The following WDPCP variants were observed in gnomAD, a reference collection of about 807,000 sequenced individuals.
WDPCP encodes the protein WD repeat containing planar cell polarity effector.
In WDPCP, 71 loss-of-function variants were observed where a neutral mutation model predicts 93.1. The ratio of observed to expected loss-of-function variants is 0.76; its 90% confidence interval spans 0.63 to 0.93. The LOEUF (loss-of-function observed/expected upper bound fraction) is 0.93. Among genes scored for constraint, WDPCP ranks in the 40% least tolerant of loss-of-function variants. WDPCP has a pLI of 0.00. For synonymous variants in WDPCP, 315 were observed against 315.0 expected, an observed-to-expected ratio of 1.00 and a Z score of 0.00; for missense variants, 844 against 887.4, an observed-to-expected ratio of 0.95 and a Z score of 0.62.
At chr2:63,376,058 G>T (rs934395994) in intron 12 of WDPCP, among the ~76,000 whole-genome samples, 2 of 151,814 alleles carry the variant, frequency 1.3e-5, no homozygotes, top group Admixed American at 6.6e-5. Flanking sequence ...AATACAAAAA[G>T]GTATTTGGCC....
intron 14 of WDPCP, among the ~76,000 whole-genome samples, chr2:63,256,357 T>C (rs1681143921): frequency 6.6e-6 from 1 of 152,090 alleles, no homozygotes; most frequent in African/African-American, 2.4e-5. Flanking sequence ...TAGAACATGA[T>C]CCAGAAACAG....
upstream of WDPCP, among the ~76,000 whole-genome samples, chr2:63,591,888 CTGTT>C (rs1459184968): frequency 6.6e-6 from 1 of 152,198 alleles, no homozygotes; most frequent in Non-Finnish European, 1.5e-5. Flanking sequence ...TAAAACTACT[CTGTT>C]TGTTAGGTAA....
rs902550656 is a variant in WDPCP, at chr2:63,741,422, T to C, written n.308+72200A>G. Among the ~76,000 whole-genome samples, 4 of 152,110 alleles carry C rather than the reference T, an allele frequency of 2.6e-5. No homozygotes were observed. In the South Asian group the frequency reaches 8.3e-4, roughly 32 times the overall value. On this transcript the variant is annotated intron_variant and non_coding_transcript_variant, in intron 2 of 4. Coordinates refer to the WDPCP transcript ENST00000467687. ...GGCAGCCAGCTGTTAGAAATAAATG[T>C]TTTATTTAATTGTTTAATTGAGTGG...
intron 2 of WDPCP, among the ~76,000 whole-genome samples, chr2:63,725,857 G>A (rs1669489437): frequency 1.3e-5 from 2 of 152,140 alleles, no homozygotes; most frequent in South Asian, 4.1e-4. Flanking sequence ...CTTTTGAGAA[G>A]TGTCCATTCA....
chr2:63,482,835 A>G (rs1173376201), intron 6 of WDPCP, among the ~76,000 whole-genome samples: 4 of 151,996 alleles, frequency 2.6e-5, no homozygotes, highest in Admixed American at 6.6e-5. Flanking sequence ...AGCACAGAAT[A>G]TAACAGAACA....
chr2:63,244,345 CA>C (rs1267122105), intron 14 of WDPCP, among the ~76,000 whole-genome samples: 2 of 151,858 alleles, frequency 1.3e-5, no homozygotes, highest in African/African-American at 4.8e-5. Context: ...CCAAAGATAG[CA>C]GAAGAAAAGA....
chr2:63,327,947 C>G (rs1309646687), intron 12 of WDPCP, among the ~76,000 whole-genome samples: 5 of 152,174 alleles, frequency 3.3e-5, no homozygotes, highest in Non-Finnish European at 5.9e-5. Context: ...CTGAAGGACA[C>G]TACAACTGCA....
upstream of WDPCP, chr2:63,588,913 C>A (rs572853588): frequency 2.4e-6 from 3 of 1,248,574 alleles, no homozygotes; most frequent in Non-Finnish European, 3.5e-6. Flanking sequence ...TCCCAGAGAG[C>A]GCCGCGTCGG....
intron 1 of WDPCP, among the ~76,000 whole-genome samples, chr2:63,558,527 CAA>C (rs57582852): frequency 1.4e-5 from 2 of 143,256 alleles, no homozygotes; most frequent in Non-Finnish European, 3.1e-5. Flanking sequence ...GACTCTGTCT[CAA>C]AAAAAAAAAA....
chr2:63,486,698 G>A, intron 3 of WDPCP, 112 bp from the exon 4 acceptor site: 2 of 870,304 alleles, frequency 2.3e-6, no homozygotes, highest in South Asian at 1.9e-5. Flanking sequence ...AACATTACAT[G>A]CATTATTGAG....
chr2:63,631,576 A>C (rs1446365778), intron 3 of WDPCP, among the ~76,000 whole-genome samples: 2 of 152,152 alleles, frequency 1.3e-5, no homozygotes, highest in Non-Finnish European at 2.9e-5. Context: ...TTAAACAGCT[A>C]TCCAAGGATA....
chr2:63,439,681 A>AGT, intron 7 of WDPCP, 76 bp downstream of exon 7: 1 of 1,279,280 alleles, frequency 7.8e-7, no homozygotes, highest in Non-Finnish European at 1.1e-6. Context: ...GGTAATAATT[A>AGT]GTCTACCTGT....
At chr2:63,563,279 G>C (rs192113456) in intron 1 of WDPCP, among the ~76,000 whole-genome samples, 10 of 151,932 alleles carry the variant, frequency 6.6e-5, no homozygotes, top group Admixed American at 5.9e-4. Flanking sequence ...GTCTGAAAAA[G>C]TGTCATCCAG....
chr2:63,703,291 C>G (rs201842203), intron 2 of WDPCP, among the ~76,000 whole-genome samples: 1 of 152,164 alleles, frequency 6.6e-6, no homozygotes, highest in Non-Finnish European at 1.5e-5. Context: ...CCTGAGGAAT[C>G]GCCACACCAA....
At chr2:63,211,208 G>A (rs754148683) in intron 14 of WDPCP, among the ~76,000 whole-genome samples, 3 of 152,224 alleles carry the variant, frequency 2.0e-5, no homozygotes, top group Admixed American at 6.5e-5. Flanking sequence ...GCATCGCTGA[G>A]TAGGGGCTGA....
rs552758490 is a variant in WDPCP at position 63,125,631 on chromosome 2, G to A, written c.2191-3575C>T. Among the ~76,000 whole-genome samples, 9 of 152,082 alleles carry A rather than the reference G, an allele frequency of 5.9e-5. No individual in the cohort carries two copies. In the South Asian group the frequency reaches 1.0e-3, roughly 18 times the overall value. ...TTTTTGTTTTGTTTTTTAATAAGAC[G>A]GTGTCTTGCTCTGTTGCCCAGGCTG... On this transcript the variant is annotated intron_variant, in intron 17 of 17. Coordinates refer to ENST00000272321, the MANE Select transcript of WDPCP (RefSeq NM_015910.7).
chr2:63,657,224 C>T (rs1443276364), intron 2 of WDPCP, among the ~76,000 whole-genome samples: 4 of 11,634 alleles, frequency 3.4e-4, no homozygotes, highest in East Asian at 0.01. Flanking sequence ...TTTTTTTTTG[C>T]GACGGAGTCT....
At chr2:63,355,756 C>T (rs925548718) in intron 12 of WDPCP, among the ~76,000 whole-genome samples, 54 of 152,050 alleles carry the variant, frequency 3.6e-4, no homozygotes, top group African/African-American at 1.2e-3. Context: ...GGCATGGTGG[C>T]GGACACCTAT....
intron 2 of WDPCP, among the ~76,000 whole-genome samples, chr2:63,773,304 T>C (rs1037220829): frequency 2.0e-5 from 3 of 152,058 alleles, no homozygotes; most frequent in Non-Finnish European, 2.9e-5. Context: ...GAGAATCTCA[T>C]AAGCAATATG....
Sources: allele counts gnomAD v4.1 joint callset (sites outside exome capture counted in the v4.1 genomes callset), GRCh38; gene constraint gnomAD v4.1.1; transcripts MANE v1.5; gene names NCBI Gene and HGNC (gene_info 2026-07-23, HGNC 2026-07-21).